RPS6KA5: variants seen among roughly 807,000 people sequenced by gnomAD.
RPS6KA5 encodes ribosomal protein S6 kinase A5.
In RPS6KA5, 27 loss-of-function variants were observed where a neutral mutation model predicts 85.5. The ratio of observed to expected loss-of-function variants is 0.32; its 90% CI spans 0.23 to 0.44. RPS6KA5 has a LOEUF of 0.44. RPS6KA5 is among the 20% of genes least tolerant of loss of function. The pLI, the probability that RPS6KA5 is intolerant of heterozygous loss-of-function variation, is 1.00. For missense variants in RPS6KA5, 811 were observed against 980.9 expected, an observed-to-expected ratio of 0.83 and a Z score of 2.31; for synonymous variants, 334 against 348.2, an observed-to-expected ratio of 0.96 and a Z score of 0.46.
At chr14:91,013,137 C>T (rs1341350312) in intron 1 of RPS6KA5, among the ~76,000 whole-genome samples, 1 of 152,174 alleles carries the variant, frequency 6.6e-6, no homozygotes, top group Admixed American at 6.5e-5. Context: ...CCACTGATGC[C>T]ATAAGACATT....
intron 7 of RPS6KA5, among the ~76,000 whole-genome samples, chr14:90,910,213 T>C (rs751583526): frequency 5.3e-5 from 8 of 151,936 alleles, no homozygotes; most frequent in Non-Finnish European, 7.4e-5. Context: ...GAATTCCAAA[T>C]GGATTGAGGA....
intron 1 of RPS6KA5, among the ~76,000 whole-genome samples, chr14:91,032,771 C>T (rs1297247860): frequency 1.4e-5 from 2 of 143,996 alleles, no homozygotes; most frequent in African/African-American, 5.2e-5. Flanking sequence ...CAAAGAACTG[C>T]TACACAGAAT....
intron 1 of RPS6KA5, among the ~76,000 whole-genome samples, chr14:91,030,375 C>T (rs1438355054): frequency 1.3e-5 from 2 of 151,716 alleles, no homozygotes; most frequent in Non-Finnish European, 2.9e-5. Context: ...AAGCAGAGAG[C>T]CAGGCTAATG....
In RPS6KA5 at chr14:90,932,297, T is replaced by A. The variant is rs573086912; in HGVS notation, c.619-9101A>T. On this transcript the variant is annotated intron_variant, in intron 5 of 16. Transcript: ENST00000614987. ...TGCCACCATGCTCGGCTAATTTTTT[T>A]ATTTTTTTATAGGAATGAGGTCTCA... 5.3e-5 allele frequency among the ~76,000 whole-genome samples: 8 copies of A among 152,168 alleles called. No individual in the cohort carries two copies. In the East Asian group the frequency reaches 7.7e-4, roughly 15 times the overall value.
intron 2 of RPS6KA5, among the ~76,000 whole-genome samples, chr14:90,979,995 G>A (rs1234578250): frequency 1.3e-5 from 2 of 152,144 alleles, no homozygotes; most frequent in South Asian, 2.1e-4. Flanking sequence ...TACTGTAAAC[G>A]TACTGAACAC....
chr14:90,975,930 T>C (rs117839450), intron 3 of RPS6KA5, among the ~76,000 whole-genome samples: 1,788 of 152,322 alleles, frequency 0.012, 13 homozygotes, highest in Non-Finnish European at 0.018. Context: ...GTGGAATGAA[T>C]ATGTTGTCCA....
intron 14 of RPS6KA5, among the ~76,000 whole-genome samples, chr14:90,885,501 C>T (rs1190716802): frequency 4.4e-5 from 4 of 91,880 alleles, no homozygotes; most frequent in African/African-American, 8.9e-5. Context: ...TGCAGTGAGC[C>T]GAGATCCCGC....
intron 1 of RPS6KA5, among the ~76,000 whole-genome samples, chr14:91,038,537 C>A (rs1411919188): frequency 1.3e-5 from 2 of 152,186 alleles, no homozygotes; most frequent in East Asian, 3.8e-4. Context: ...AGATAACCTG[C>A]AGAAAAGCTG....
chr14:90,979,439 A>G (rs546526300), intron 2 of RPS6KA5, among the ~76,000 whole-genome samples: 4 of 152,360 alleles, frequency 2.6e-5, no homozygotes, highest in African/African-American at 7.2e-5. Context: ...TGGGATGTTT[A>G]AGTCCAGTCT....
At chr14:91,047,478 C>T (rs2042922530) in intron 1 of RPS6KA5, among the ~76,000 whole-genome samples, 1 of 152,214 alleles carries the variant, frequency 6.6e-6, no homozygotes, top group Admixed American at 6.5e-5. Flanking sequence ...TTAGAGAAGA[C>T]ACCATTCTAC....
intron 1 of RPS6KA5, among the ~76,000 whole-genome samples, chr14:91,028,722 G>A (rs1220242663): frequency 6.7e-6 from 1 of 150,296 alleles, no homozygotes; most frequent in African/African-American, 2.5e-5. Context: ...GTTTCATCAT[G>A]TTATCCAGGA....
intron 1 of RPS6KA5, among the ~76,000 whole-genome samples, chr14:91,025,345 C>A (rs2041951134): frequency 6.6e-6 from 1 of 152,172 alleles, no homozygotes. Flanking sequence ...CGCCCAGTCT[C>A]CTTTTTTTCA....
In RPS6KA5 at chr14:90,865,204, C is replaced by T. The variant is rs1212000098; in HGVS notation, c.*6870G>A. On this transcript the variant is annotated 3_prime_UTR_variant, in exon 17 of 17. Transcript: ENST00000614987. The stretch of plus-strand genomic sequence containing the variant: ...GTACGTGTCCATTAAAATATATGCA[C>T]AAGAATGCTTATGGCTGCTTTAAAC... The T allele has an allele frequency of 3.3e-5, 5 of 152,156 alleles. No individual in the cohort carries two copies. The highest frequency in any genetic ancestry group is 7.3e-5 in the Non-Finnish European group (5 of 68,030). The allele number at this position is 152,156 out of a possible 1,614,324, so 9.4% of individuals were successfully genotyped here.
At chr14:90,995,382 T>C (rs1172271493) in intron 2 of RPS6KA5, among the ~76,000 whole-genome samples, 2 of 152,220 alleles carry the variant, frequency 1.3e-5, no homozygotes, top group Admixed American at 1.3e-4. Flanking sequence ...GGAAGGCTTT[T>C]ACTGCTTATT....
In RPS6KA5 at chr14:90,872,144, A is replaced by G; in HGVS notation, c.2339T>C (p.Leu780Pro). ...SHGKTTPTKT[L>P]QPSNPADSNN... The stretch of plus-strand genomic sequence containing the variant: ...GCTGTCGGCAGGATTGCTGGGCTGC[A>G]GTGTCTTGGTGGGTGTAGTTTTACC... The change falls in exon 17 of 17, where the codon CTG (leucine) becomes CCG (proline). Residue 780 changes from leucine (L) to proline (P), a missense_variant. Coordinates refer to ENST00000614987, the MANE Select transcript of RPS6KA5 (RefSeq NM_004755.4). 1.9e-6 allele frequency: 3 copies of G among 1,613,640 alleles called. No individual in the cohort carries two copies. In the South Asian group the frequency reaches 3.3e-5, roughly 18 times the overall value.
intron 14 of RPS6KA5, among the ~76,000 whole-genome samples, chr14:90,889,491 T>C (rs571060090): frequency 6.6e-6 from 1 of 152,234 alleles, no homozygotes; most frequent in South Asian, 2.1e-4. Flanking sequence ...ATAAATCTTT[T>C]AGAAGGAAAT....
chr14:90,904,117 T>A (rs1353141749), intron 8 of RPS6KA5, among the ~76,000 whole-genome samples: 2 of 152,074 alleles, frequency 1.3e-5, no homozygotes, highest in African/African-American at 4.8e-5. Context: ...GCCCGGCTAA[T>A]TTTTTGTATT....
chr14:90,961,061 A>G (rs1230266487), intron 3 of RPS6KA5, among the ~76,000 whole-genome samples: 1 of 152,166 alleles, frequency 6.6e-6, no homozygotes, highest in African/African-American at 2.4e-5. Flanking sequence ...GATGTAAAAC[A>G]ATGACTTGGG....
chr14:91,001,637 C>G (rs1460008066), intron 1 of RPS6KA5, among the ~76,000 whole-genome samples: 1 of 152,144 alleles, frequency 6.6e-6, no homozygotes, highest in African/African-American at 2.4e-5. Flanking sequence ...GCATTCGTCA[C>G]TTCAATACTC....
Sources: gnomAD v4.1 joint callset for allele counts (sites outside exome capture counted in the v4.1 genomes callset) on GRCh38, gnomAD v4.1.1 for gene constraint, MANE v1.5 for transcripts, NCBI Gene and HGNC (gene_info 2026-07-23, HGNC 2026-07-21) for gene names.